IPCEF1: variants seen among roughly 807,000 people sequenced by gnomAD.
IPCEF1 encodes the protein interaction protein for cytohesin exchange factors 1, also known as interactor protein for cytohesin exchange factors 1.
IPCEF1 carries 31 observed loss-of-function variants against 50.9 expected under a neutral mutation model. The observed-to-expected ratio is 0.61, with a 90% CI of 0.46 to 0.82. The LOEUF (loss-of-function observed/expected upper bound fraction) is 0.82, where lower values mean the gene tolerates loss of function less well. Among genes scored for constraint, IPCEF1 ranks in the 40% least tolerant of loss-of-function variants. The pLI, the probability that IPCEF1 is intolerant of heterozygous loss-of-function variation, is 0.00. For missense variants in IPCEF1, 458 were observed against 514.0 expected, an observed-to-expected ratio of 0.89 and a Z score of 1.05; for synonymous variants, 181 against 192.0, an observed-to-expected ratio of 0.94 and a Z score of 0.47.
At chr6:154,313,667 T>C (rs1425001034) in intron 1 of IPCEF1, among the ~76,000 whole-genome samples, 1 of 152,168 alleles carries the variant, frequency 6.6e-6, no homozygotes, top group East Asian at 1.9e-4. Flanking sequence ...TGGTGTAGAA[T>C]TGTATGTATG....
chr6:154,240,852 TG>T (rs1326650060), intron 5 of IPCEF1, among the ~76,000 whole-genome samples: 1 of 152,182 alleles, frequency 6.6e-6, no homozygotes, highest in Non-Finnish European at 1.5e-5. Flanking sequence ...ACAGACATAT[TG>T]GGGCCTCAAA....
intron 5 of IPCEF1, among the ~76,000 whole-genome samples, chr6:154,229,557 C>T (rs1779561777): frequency 6.6e-6 from 1 of 151,772 alleles, no homozygotes; most frequent in African/African-American, 2.4e-5. Flanking sequence ...TGGGGTTCGC[C>T]GTGTTAGCCA....
intron 10 of IPCEF1, among the ~76,000 whole-genome samples, chr6:154,173,667 T>G (rs1015745976): frequency 6.6e-6 from 1 of 151,796 alleles, no homozygotes; most frequent in Non-Finnish European, 1.5e-5. Flanking sequence ...AAATATGGGA[T>G]TATGTGAAAA....
At chr6:154,173,061 C>T (rs183100006) in intron 10 of IPCEF1, among the ~76,000 whole-genome samples, 8 of 152,342 alleles carry the variant, frequency 5.3e-5, no homozygotes, top group East Asian at 3.9e-4. Context: ...CTCCAACAGA[C>T]GTGCAGCTGA....
At chr6:154,173,415 A>C (rs1800035565) in intron 10 of IPCEF1, among the ~76,000 whole-genome samples, 1 of 152,038 alleles carries the variant, frequency 6.6e-6, no homozygotes, top group African/African-American at 2.4e-5. Context: ...GGATGCTAAA[A>C]ACCTTGAAAA....
Position 154,178,584 on chromosome 6 carries a change from A to G in IPCEF1, c.911-10471T>C, listed in dbSNP as rs540811341. Among the ~76,000 whole-genome samples the G allele has an allele frequency of 8.5e-4, 130 of 152,346 alleles. 1 individual carries two copies. Among genetic ancestry groups the G allele is most frequent in the South Asian group, 4.8e-3 (23 of 4,828 alleles). ...GTAAATACAACTTGATCTTCCAATA[A>G]ATAACTAAACTTTAAAATTAACAAA... On this transcript the variant is annotated intron_variant, in intron 10 of 11. Coordinates refer to ENST00000367220, the MANE Select transcript of IPCEF1 (RefSeq NM_001130700.2).
chr6:154,300,295 C>T (rs1384269787), intron 1 of IPCEF1, among the ~76,000 whole-genome samples: 1 of 99,158 alleles, frequency 1.0e-5, no homozygotes, highest in African/African-American at 3.2e-5. Flanking sequence ...TATTGAGAGA[C>T]ATGGCTTCCT....
chr6:154,353,853 A>G (rs994438490), intron 1 of IPCEF1, among the ~76,000 whole-genome samples: 3 of 152,348 alleles, frequency 2.0e-5, no homozygotes, highest in Admixed American at 2.0e-4. Flanking sequence ...TTCCATAAAT[A>G]TCATTTTCTT....
At chr6:154,180,994 T>C (rs540969505) in intron 10 of IPCEF1, among the ~76,000 whole-genome samples, 1 of 152,178 alleles carries the variant, frequency 6.6e-6, no homozygotes, top group East Asian at 1.9e-4. Flanking sequence ...AACTATATAG[T>C]CATTTGGGTA....
intron 10 of IPCEF1, among the ~76,000 whole-genome samples, chr6:154,178,813 T>C (rs1381960103): frequency 6.6e-6 from 1 of 152,244 alleles, no homozygotes; most frequent in Non-Finnish European, 1.5e-5. Context: ...CTCAGCTTCC[T>C]GCCTCTCAGC....
Position 154,159,481 on chromosome 6 carries a change from G to C in IPCEF1, c.*347C>G. ...AATGTTTCCATGGGCAATTACTCCT[G>C]GTAAAATTTGATTCTTGTCCATAGC... On this transcript the variant is annotated 3_prime_UTR_variant, in exon 12 of 12. Transcript: ENST00000367220. 1 of 254,358 alleles carries C rather than the reference G, an allele frequency of 3.9e-6. No homozygotes were observed. The highest frequency in any genetic ancestry group is 7.4e-6 in the Non-Finnish European group (1 of 135,480). 15.8% of individuals were successfully genotyped at this position (254,358 alleles called of 1,614,324 possible). A position where few individuals can be genotyped will look rare whatever the true frequency, so the allele number is the denominator to read the frequency against.
chr6:154,299,416 T>C (rs1245406105), intron 1 of IPCEF1, among the ~76,000 whole-genome samples: 1 of 141,666 alleles, frequency 7.1e-6, no homozygotes, highest in Non-Finnish European at 1.6e-5. Context: ...GTGGCACATA[T>C]ATATCATGGA....
intron 10 of IPCEF1, among the ~76,000 whole-genome samples, chr6:154,176,197 C>G (rs181672823): frequency 4.6e-5 from 7 of 152,112 alleles, no homozygotes; most frequent in Non-Finnish European, 8.8e-5. Flanking sequence ...CTATTTATGA[C>G]AAACCCACAG....
At chr6:154,266,560 CT>C (rs1781758970) in intron 2 of IPCEF1, among the ~76,000 whole-genome samples, 1 of 134,834 alleles carries the variant, frequency 7.4e-6, no homozygotes, top group Non-Finnish European at 1.6e-5. Flanking sequence ...CTTAATATTA[CT>C]ATATATATAT....
At chr6:154,282,495 A>C (rs908460815) in intron 2 of IPCEF1, among the ~76,000 whole-genome samples, 4 of 152,142 alleles carry the variant, frequency 2.6e-5, no homozygotes, top group Non-Finnish European at 5.9e-5. Context: ...ATCCTGGCTA[A>C]CACGGTGAAA....
intron 1 of IPCEF1, among the ~76,000 whole-genome samples, chr6:154,337,736 G>A (rs908914471): frequency 6.6e-6 from 1 of 152,198 alleles, no homozygotes; most frequent in Non-Finnish European, 1.5e-5. Context: ...TTTCACCTAA[G>A]GGCAAATGTA....
At chr6:154,205,696 C>T (rs760328194) in intron 9 of IPCEF1, among the ~76,000 whole-genome samples, 28 of 152,138 alleles carry the variant, frequency 1.8e-4, no homozygotes, top group Non-Finnish European at 3.5e-4. Flanking sequence ...TGAATTTGAG[C>T]GGCTGTGTAT....
chr6:154,214,249 T>C lies in IPCEF1; in HGVS notation c.420A>G (p.Val140=), dbSNP rs1214556396. 1.2e-6 allele frequency: 2 copies of C among 1,611,690 alleles called. No homozygotes were observed. The highest frequency in any genetic ancestry group is 2.7e-5 in the African/African-American group (2 of 74,886). The change falls in exon 8 of 12, where the codon GTA becomes GTG. Residue 140 remains valine, a synonymous_variant. Transcript: ENST00000367220. ...NVWLNKLGSA[V]IHQESTTKDE... ...CCTTTGTAGTGGATTCCTGATGGAT[T>C]ACAGCCGATCCAAGTTTATTTAACC... is the stretch of plus-strand genomic sequence containing the variant.
chr6:154,326,790 C>T (rs563661832), intron 1 of IPCEF1, among the ~76,000 whole-genome samples: 6 of 152,254 alleles, frequency 3.9e-5, no homozygotes, highest in East Asian at 1.9e-4. Flanking sequence ...AAGCTGGAGA[C>T]ATTATGTTAC....
Sources: gnomAD v4.1 joint callset for allele counts (sites outside exome capture counted in the v4.1 genomes callset) on GRCh38, gnomAD v4.1.1 for gene constraint, MANE v1.5 for transcripts, NCBI Gene and HGNC (gene_info 2026-07-23, HGNC 2026-07-21) for gene names.